LRP1B: variants seen among roughly 807,000 people sequenced by gnomAD.
LRP1B encodes the protein LDL receptor related protein 1B.
Under a neutral mutation model 556.6 loss-of-function variants are expected in LRP1B, and 217 were observed. The observed-to-expected ratio is 0.39, with a 90% CI of 0.35 to 0.44. The LOEUF is 0.44. LRP1B is among the 20% of genes least tolerant of loss of function. LRP1B has a pLI of 1.00. For missense variants in LRP1B, 5,053 were observed against 5,620.8 expected (o/e 0.90, Z 3.23); for synonymous variants, 2,047 against 1,865.8 (o/e 1.10, Z -2.50).
In LRP1B at chr2:141,280,851, T is replaced by G. The variant is rs138792152; in HGVS notation, c.344-26210A>C. Among the ~76,000 whole-genome samples the G allele has an allele frequency of 5.8e-3, 877 of 152,060 alleles. 8 individuals are homozygous for G. The highest frequency in any genetic ancestry group is 0.02 in the African/African-American group (825 of 41,532). Reference sequence around the variant, plus strand: ...TTCATAGTAGGCATTATAAAGTAATTAGCTGATTAGAGAGTTTGCCAAATA... The same window carrying G: ...TTCATAGTAGGCATTATAAAGTAATGAGCTGATTAGAGAGTTTGCCAAATA... On this transcript the variant is annotated intron_variant, in intron 3 of 90. Transcript: ENST00000389484.
intron 2 of LRP1B, among the ~76,000 whole-genome samples, chr2:141,602,601 C>A (rs1687787280): frequency 6.6e-6 from 1 of 152,136 alleles, no homozygotes; most frequent in South Asian, 2.1e-4. Context: ...AAATATATCT[C>A]TTTCACTCTA....
At chr2:140,858,239 G>A (rs1203696793) in intron 27 of LRP1B, among the ~76,000 whole-genome samples, 4 of 151,976 alleles carry the variant, frequency 2.6e-5, no homozygotes, top group Admixed American at 1.3e-4. Context: ...AATATGTAAT[G>A]TGCAGACACT....
At chr2:140,774,581 G>C (rs1461965222) in intron 33 of LRP1B, among the ~76,000 whole-genome samples, 2 of 151,970 alleles carry the variant, frequency 1.3e-5, no homozygotes, top group Non-Finnish European at 2.9e-5. Context: ...CCCTCTCTCT[G>C]TCATATTTTC....
intron 58 of LRP1B, among the ~76,000 whole-genome samples, chr2:140,486,454 T>C (rs1433921354): frequency 6.6e-6 from 1 of 151,948 alleles, no homozygotes; most frequent in Non-Finnish European, 1.5e-5. Flanking sequence ...AATGAAAATC[T>C]GTGAATTAAT....
chr2:140,869,024 A>G (rs1387194416), intron 25 of LRP1B, among the ~76,000 whole-genome samples: 1 of 152,052 alleles, frequency 6.6e-6, no homozygotes, highest in Non-Finnish European at 1.5e-5. Context: ...AAGAACTTCC[A>G]TCCATGTCTT....
intron 76 of LRP1B, among the ~76,000 whole-genome samples, 184 bp from the exon 77 acceptor site, chr2:140,351,222 C>T (rs562531467): frequency 5.1e-4 from 78 of 151,934 alleles, no homozygotes; most frequent in Non-Finnish European, 9.9e-4. Context: ...CTTATCTAAA[C>T]ATTTACAATA....
intron 1 of LRP1B, among the ~76,000 whole-genome samples, chr2:141,924,887 C>T (rs1700293504): frequency 6.6e-6 from 1 of 152,134 alleles, no homozygotes; most frequent in Admixed American, 6.6e-5. Context: ...CAATAAATGA[C>T]TTTGAAATGA....
chr2:140,325,419 G>A (rs1248359735), intron 80 of LRP1B, among the ~76,000 whole-genome samples: 1 of 152,070 alleles, frequency 6.6e-6, no homozygotes, highest in African/African-American at 2.4e-5. Context: ...GCTTGTTATT[G>A]CAATTGAAAT....
At chr2:140,706,730 C>T (rs185378114) in intron 37 of LRP1B, among the ~76,000 whole-genome samples, 2 of 152,158 alleles carry the variant, frequency 1.3e-5, no homozygotes, top group East Asian at 1.9e-4. Context: ...CCTAGCAAAC[C>T]CTTAATGGAC....
chr2:141,707,704 A>C (rs556337905), intron 2 of LRP1B, among the ~76,000 whole-genome samples: 47 of 152,312 alleles, frequency 3.1e-4, no homozygotes, highest in African/African-American at 1.1e-3. Context: ...GGCAGAAATA[A>C]ACTGACTGTG....
chr2:140,323,694 A>G (rs1680288767), intron 81 of LRP1B, among the ~76,000 whole-genome samples, 199 bp downstream of exon 81: 1 of 151,988 alleles, frequency 6.6e-6, no homozygotes, highest in African/African-American at 2.4e-5. Context: ...CAAATGCTGA[A>G]CATTTTCCCA....
chr2:141,038,839 G>C (rs1044815957), intron 11 of LRP1B, among the ~76,000 whole-genome samples: 1 of 152,090 alleles, frequency 6.6e-6, no homozygotes, highest in African/African-American at 2.4e-5. Context: ...GTATGATAAA[G>C]TAACTGAGTT....
At chr2:141,213,070 G>A (rs1184166835) in intron 6 of LRP1B, among the ~76,000 whole-genome samples, 2 of 151,552 alleles carry the variant, frequency 1.3e-5, no homozygotes, top group East Asian at 3.9e-4. Context: ...TGGCTCTGGT[G>A]TTCCTCCCAC....
At chr2:140,236,074 A>G (rs1285009295) in intron 89 of LRP1B, among the ~76,000 whole-genome samples, 2 of 151,038 alleles carry the variant, frequency 1.3e-5, no homozygotes, top group African/African-American at 4.8e-5. Context: ...CAGATGTAGG[A>G]GTGAATTTTA....
intron 2 of LRP1B, among the ~76,000 whole-genome samples, chr2:141,605,549 C>T (rs1463350473): frequency 6.6e-6 from 1 of 152,084 alleles, no homozygotes; most frequent in Admixed American, 6.5e-5. Context: ...CTCCAGGCCT[C>T]AAGCCAGGTC....
intron 41 of LRP1B, among the ~76,000 whole-genome samples, chr2:140,607,214 T>C (rs1012703737): frequency 6.6e-6 from 1 of 152,218 alleles, no homozygotes; most frequent in Admixed American, 6.5e-5. Flanking sequence ...GACATCAAAG[T>C]ACTGCAAATC....
Position 140,534,118 on chromosome 2 carries a change from GC to G in LRP1B, c.7664del (p.Gly2555AlafsTer30). ...AGCGGCGATTATAGCATGGCTTGAA[GC>G]CTCTTCGACAGCTTCTGTTTTCTTA... ...LYCENRSCRR[G>X]FKPCYNRRCI... On this transcript the variant is annotated frameshift_variant, in exon 47 of 91. Transcript: ENST00000389484. LOFTEE classifies it high-confidence loss of function. 1.9e-6 allele frequency: 3 copies of G among 1,613,126 alleles called. No homozygotes were observed. The highest frequency in any genetic ancestry group is 2.5e-6 in the Non-Finnish European group (3 of 1,179,396).
intron 41 of LRP1B, among the ~76,000 whole-genome samples, chr2:140,655,633 C>T (rs1042299086): frequency 4.6e-5 from 7 of 152,056 alleles, no homozygotes; most frequent in African/African-American, 1.7e-4. Flanking sequence ...ATAAAAAGTA[C>T]CTCATATTTC....
At chr2:141,062,307 G>T (rs375595862) in intron 7 of LRP1B, 34 bp from the exon 8 acceptor site, 1 of 1,472,350 alleles carries the variant, frequency 6.8e-7, no homozygotes. Flanking sequence ...AAAGTGGAGG[G>T]TGGGGGAGGG....
Sources: gnomAD v4.1 joint callset for allele counts (sites outside exome capture counted in the v4.1 genomes callset) on GRCh38, gnomAD v4.1.1 for gene constraint, MANE v1.5 for transcripts, NCBI Gene and HGNC (gene_info 2026-07-23, HGNC 2026-07-21) for gene names.